COLGALT2: variants seen among roughly 807,000 people sequenced by gnomAD.
COLGALT2 encodes the protein procollagen galactosyltransferase 2.
A neutral mutation model predicts 73.4 loss-of-function variants in COLGALT2; 49 were observed. The ratio of observed to expected loss-of-function variants is 0.67; its 90% confidence interval spans 0.53 to 0.85. The LOEUF (loss-of-function observed/expected upper bound fraction) is 0.85. Among genes scored for constraint, COLGALT2 ranks in the 40% least tolerant of loss-of-function variants. The pLI is 0.00. For missense variants in COLGALT2, 722 were observed against 790.2 expected, an observed-to-expected ratio of 0.91 and a Z score of 1.03; for synonymous variants, 295 against 307.6, an observed-to-expected ratio of 0.96 and a Z score of 0.43.
chr1:184,022,132 T>C (rs1343397333), intron 1 of COLGALT2, among the ~76,000 whole-genome samples: 1 of 152,186 alleles, frequency 6.6e-6, no homozygotes, highest in Non-Finnish European at 1.5e-5. Context: ...TCTGTCTGGA[T>C]TTTTTAAGTC....
chr1:183,973,751 C>T lies in COLGALT2; in HGVS notation c.493-1G>A. 1.2e-6 allele frequency: 2 copies of T among 1,612,888 alleles called. No homozygotes were observed. Among genetic ancestry groups the T allele is most frequent in the East Asian group, 4.5e-5 (2 of 44,868 alleles). On this transcript the variant is annotated splice_acceptor_variant, in intron 3 of 11. Coordinates refer to ENST00000361927, the MANE Select transcript of COLGALT2 (RefSeq NM_015101.4). LOFTEE classifies it high-confidence loss of function. ...TCAGGAAATTGTCAACATCTATGAA[C>T]TAGGAAAAGAAAAGGATAATGTTAG... is the stretch of plus-strand genomic sequence containing the variant.
At chr1:183,943,058 T>C (rs1670157187) in intron 10 of COLGALT2, among the ~76,000 whole-genome samples, 1 of 152,240 alleles carries the variant, frequency 6.6e-6, no homozygotes, top group African/African-American at 2.4e-5. Flanking sequence ...CAGCGACTTC[T>C]GGAGGATATA....
intron 6 of COLGALT2, among the ~76,000 whole-genome samples, chr1:183,963,632 T>C (rs1184730818): frequency 1.3e-5 from 2 of 152,172 alleles, no homozygotes; most frequent in East Asian, 1.9e-4. Flanking sequence ...CAAAACACTA[T>C]TATAGCACTT....
intron 6 of COLGALT2, among the ~76,000 whole-genome samples, chr1:183,962,399 T>G (rs1052424281): frequency 6.6e-6 from 1 of 152,014 alleles, no homozygotes; most frequent in Non-Finnish European, 1.5e-5. Context: ...CCTCAGGTGA[T>G]CCACCTGCCT....
chr1:183,995,570 C>T (rs567543384), intron 1 of COLGALT2, among the ~76,000 whole-genome samples: 17 of 152,228 alleles, frequency 1.1e-4, no homozygotes, highest in African/African-American at 3.6e-4. Flanking sequence ...GCCAGAGCCA[C>T]GTCAGGCTAG....
intron 11 of COLGALT2, among the ~76,000 whole-genome samples, chr1:183,940,190 A>G (rs1323743310): frequency 6.6e-6 from 1 of 152,234 alleles, no homozygotes; most frequent in Non-Finnish European, 1.5e-5. Context: ...AAAAATGGGT[A>G]TCTCTGCTTA....
At chr1:183,949,146 G>C (rs1409408305) in intron 8 of COLGALT2, among the ~76,000 whole-genome samples, 1 of 152,112 alleles carries the variant, frequency 6.6e-6, no homozygotes, top group Non-Finnish European at 1.5e-5. Flanking sequence ...TGTTAACACG[G>C]AAATATTCTC....
At chr1:183,943,778 G>A (rs1670177060) in intron 10 of COLGALT2, among the ~76,000 whole-genome samples, 1 of 152,168 alleles carries the variant, frequency 6.6e-6, no homozygotes, top group African/African-American at 2.4e-5. Context: ...GAGGCAACCT[G>A]CTGTCCCGGG....
chr1:183,955,357 T>C lies in COLGALT2; in HGVS notation c.953-519A>G, dbSNP rs368235327. Among the ~76,000 whole-genome samples the C allele has an allele frequency of 3.4e-3, 517 of 152,280 alleles. 5 individuals are homozygous for C. Among genetic ancestry groups the C allele is most frequent in the African/African-American group, 0.012 (494 of 41,550 alleles). On this transcript the variant is annotated intron_variant, in intron 6 of 11. Coordinates refer to ENST00000361927, the MANE Select transcript of COLGALT2 (RefSeq NM_015101.4). ...GGCCCATGATGAAAGAGCTCAGAAATAGGCTAGAATTTTTACTGAAAAACA... is the reference window on the plus strand; with the variant it reads ...GGCCCATGATGAAAGAGCTCAGAAACAGGCTAGAATTTTTACTGAAAAACA...
At position 183,963,997 on chromosome 1, in the gene COLGALT2, T is replaced by C. The variant is rs368434220; in HGVS notation, c.856A>G (p.Arg286Gly). Residue 286 changes from arginine (R) to glycine (G), a missense_variant, in exon 6 of 12, where the codon AGA (arginine) becomes GGA (glycine). By Grantham distance (125) the Arg-to-Gly change is moderately radical (BLOSUM62 -2). Coordinates refer to ENST00000361927, the MANE Select transcript of COLGALT2 (RefSeq NM_015101.4). ...ATGGGCAGGTAGCCATAGTGCTCTC[T>C]GTTGCAGAGGTACATCTGGATGCCT... is the stretch of plus-strand genomic sequence containing the variant. ...QAGIQMYLCN[R>G]EHYGYLPIPL... The C allele has an allele frequency of 6.2e-7, 1 of 1,613,486 alleles. No individual in the cohort carries two copies.
chr1:183,994,306 G>A (rs770836368), intron 1 of COLGALT2, among the ~76,000 whole-genome samples: 5 of 151,278 alleles, frequency 3.3e-5, no homozygotes, highest in Non-Finnish European at 5.9e-5. Flanking sequence ...CCAAAGTGCT[G>A]GGATTACAGG....
chr1:184,031,828 C>CTTCG (rs1344872931), intron 1 of COLGALT2, among the ~76,000 whole-genome samples: 8 of 139,846 alleles, frequency 5.7e-5, no homozygotes, highest in Non-Finnish European at 1.2e-4. Flanking sequence ...TCCTTCCTTC[C>CTTCG]TTCCTTCCTT....
downstream of COLGALT2, among the ~76,000 whole-genome samples, chr1:183,931,705 A>G (rs1669846553): frequency 6.6e-6 from 1 of 151,814 alleles, no homozygotes; most frequent in African/African-American, 2.4e-5. Context: ...AATCATTTTT[A>G]TTCCTACCAT....
At position 184,037,390 on chromosome 1, in the gene COLGALT2, T is replaced by C. The variant is rs745923274; in HGVS notation, c.-33A>G. The C allele has an allele frequency of 4.4e-6, 6 of 1,351,110 alleles. No homozygotes were observed. The Admixed American group carries it at 2.1e-4, about 48-fold the overall frequency. 83.7% of individuals were successfully genotyped at this position (1,351,110 alleles called of 1,614,324 possible). Reference sequence around the variant, plus strand: ...GCCGAGGCGGGCGGCGGGGAAGTCCTGGCGCGAGCGCCCGGCTGGGCTGCC... The same window carrying C: ...GCCGAGGCGGGCGGCGGGGAAGTCCCGGCGCGAGCGCCCGGCTGGGCTGCC... On this transcript the variant is annotated 5_prime_UTR_variant, in exon 1 of 12. Transcript: ENST00000361927.
Position 183,935,934 on chromosome 1 carries a change from G to A in COLGALT2, c.*2827C>T, listed in dbSNP as rs1669939723. ...ATAGCACGCAAGACAGATGATGCAG[G>A]GGAACGGGTGTCCACTCTTTCTTGT... On this transcript the variant is annotated 3_prime_UTR_variant, in exon 12 of 12. Transcript: ENST00000361927. 2 of 985,386 alleles carry A rather than the reference G, an allele frequency of 2.0e-6. No homozygotes were observed. The highest frequency in any genetic ancestry group is 9.4e-5 in the South Asian group (2 of 21,288). The allele number at this position is 985,386 out of a possible 1,614,324, so 61.0% of individuals were successfully genotyped here.
intron 1 of COLGALT2, among the ~76,000 whole-genome samples, chr1:184,009,980 T>C (rs954260169): frequency 1.3e-5 from 2 of 152,214 alleles, no homozygotes; most frequent in African/African-American, 4.8e-5. Context: ...GTTATGACTA[T>C]GTCCATGCTG....
At chr1:183,991,012 T>A (rs1487539841) in intron 1 of COLGALT2, among the ~76,000 whole-genome samples, 5 of 152,372 alleles carry the variant, frequency 3.3e-5, no homozygotes, top group African/African-American at 1.2e-4. Context: ...TCAGAGGAAA[T>A]GTTCAAAATA....
intron 1 of COLGALT2, among the ~76,000 whole-genome samples, chr1:184,023,644 G>C (rs1339951356): frequency 1.4e-4 from 1 of 7,126 alleles, no homozygotes; most frequent in Non-Finnish European, 3.3e-4. Flanking sequence ...TGCGTGAGGT[G>C]GGGGGGGGGG....
At chr1:183,993,391 T>C (rs1671683816) in intron 1 of COLGALT2, among the ~76,000 whole-genome samples, 1 of 152,220 alleles carries the variant, frequency 6.6e-6, no homozygotes, top group African/African-American at 2.4e-5. Context: ...TTGTGGTAGA[T>C]GGTAAATATG....
Sources: allele counts gnomAD v4.1 joint callset (sites outside exome capture counted in the v4.1 genomes callset), GRCh38; gene constraint gnomAD v4.1.1; transcripts MANE v1.5; gene names NCBI Gene and HGNC (gene_info 2026-07-23, HGNC 2026-07-21).